Variants in FAM13C observed in about 807,000 individuals in gnomAD.
FAM13C encodes family with sequence similarity 13 member C.
Under a neutral mutation model 73.2 loss-of-function variants are expected in FAM13C, and 37 were observed. That is an observed-to-expected ratio of 0.51 (90% confidence interval 0.39 to 0.67). The LOEUF (loss-of-function observed/expected upper bound fraction) is 0.67, where lower values mean the gene tolerates loss of function less well. Ranked by LOEUF, FAM13C falls within the 30% of genes least tolerant of loss-of-function variation. FAM13C has a pLI of 0.00. For synonymous variants in FAM13C, 246 were observed against 260.9 expected (o/e 0.94, Z 0.55); for missense variants, 589 against 715.6 (o/e 0.82, Z 2.02).
At chr10:59,339,779 C>A (rs1263120358) in intron 3 of FAM13C, among the ~76,000 whole-genome samples, 1 of 152,152 alleles carries the variant, frequency 6.6e-6, no homozygotes, top group Non-Finnish European at 1.5e-5. Context: ...AAAGGAAAGG[C>A]CAGCTCAGTG....
At chr10:59,267,029 C>T (rs1474698930) in intron 8 of FAM13C, among the ~76,000 whole-genome samples, 1 of 152,164 alleles carries the variant, frequency 6.6e-6, no homozygotes, top group East Asian at 1.9e-4. Context: ...CTCCATTTTA[C>T]ACATGACCAA....
At chr10:59,334,279 C>T (rs1852425515) in intron 3 of FAM13C, among the ~76,000 whole-genome samples, 1 of 152,092 alleles carries the variant, frequency 6.6e-6, no homozygotes, top group African/African-American at 2.4e-5. Context: ...TATAATAAAG[C>T]AAATCCTGAC....
intron 3 of FAM13C, among the ~76,000 whole-genome samples, chr10:59,337,180 C>A (rs1269496036): frequency 6.6e-6 from 1 of 152,184 alleles, no homozygotes; most frequent in Non-Finnish European, 1.5e-5. Flanking sequence ...TACCCAATAT[C>A]TGAACAAAAA....
intron 5 of FAM13C, among the ~76,000 whole-genome samples, chr10:59,301,405 G>T (rs1441486237): frequency 1.3e-5 from 2 of 152,208 alleles, no homozygotes; most frequent in Non-Finnish European, 2.9e-5. Context: ...GGCAATCAGC[G>T]CAGTGAGCTG....
chr10:59,266,587 T>C (rs1843092512), intron 8 of FAM13C, among the ~76,000 whole-genome samples: 1 of 152,218 alleles, frequency 6.6e-6, no homozygotes. Flanking sequence ...AAGACTTCTA[T>C]AGACACTGAA....
rs2133329942 is a variant in FAM13C at position 59,247,613 on chromosome 10, C to T, written c.*1G>A. 1 of 1,613,038 alleles carries T rather than the reference C, an allele frequency of 6.2e-7. No individual in the cohort carries two copies. The highest frequency in any genetic ancestry group is 1.7e-5 in the Admixed American group (1 of 59,946). On this transcript the variant is annotated 3_prime_UTR_variant, in exon 14 of 14. Coordinates refer to ENST00000618804, the MANE Select transcript of FAM13C (RefSeq NM_198215.4). ...AAAGTGATCATAACATTTCCTGAACCTCAAATAGTTTTGGCCACATCTTGC... is the reference window on the plus strand; with the variant it reads ...AAAGTGATCATAACATTTCCTGAACTTCAAATAGTTTTGGCCACATCTTGC...
Position 59,281,951 on chromosome 10 carries a change from G to T in FAM13C, c.592+1412C>A, listed in dbSNP as rs144063339. Among the ~76,000 whole-genome samples, 339 of 152,264 alleles carry T rather than the reference G, an allele frequency of 2.2e-3. 1 individual carries two copies. Among genetic ancestry groups the T allele is most frequent in the African/African-American group, 7.7e-3 (322 of 41,554 alleles). ...TATTAAATATGTTGTCTGTTTGCAG[G>T]GAGTGGAATCTGGTGTTGAGGGAAG... On this transcript the variant is annotated intron_variant, in intron 6 of 13. Coordinates refer to ENST00000618804, the MANE Select transcript of FAM13C (RefSeq NM_198215.4).
rs775467941 is a variant in FAM13C, at chr10:59,251,690, A to G, written c.1533-14T>C. 2.2e-5 allele frequency: 34 copies of G among 1,572,812 alleles called. No homozygotes were observed. The highest frequency in any genetic ancestry group is 2.7e-5 in the Non-Finnish European group (31 of 1,158,490). On this transcript the variant is annotated splice_polypyrimidine_tract_variant and intron_variant, in intron 12 of 13. Coordinates refer to ENST00000618804, the MANE Select transcript of FAM13C (RefSeq NM_198215.4). Reference sequence around the variant, plus strand: ...AGAAGTACAGGCCTATATAAGGTAAAATACTTGTCATTACTGGGCACTGGC... The same window carrying G: ...AGAAGTACAGGCCTATATAAGGTAAGATACTTGTCATTACTGGGCACTGGC...
At chr10:59,248,835 C>A (rs993773894) in intron 13 of FAM13C, among the ~76,000 whole-genome samples, 1 of 152,112 alleles carries the variant, frequency 6.6e-6, no homozygotes, top group Non-Finnish European at 1.5e-5. Flanking sequence ...ACTTGTATTT[C>A]AACACTATTT....
chr10:59,297,587 G>C (rs1847067174), intron 5 of FAM13C, among the ~76,000 whole-genome samples: 1 of 152,056 alleles, frequency 6.6e-6, no homozygotes, highest in Admixed American at 6.6e-5. Context: ...CAAGGTCCAG[G>C]CTGACAATCA....
chr10:59,340,942 C>G (rs547387262), intron 3 of FAM13C, among the ~76,000 whole-genome samples: 1 of 152,016 alleles, frequency 6.6e-6, no homozygotes, highest in African/African-American at 2.4e-5. Context: ...GAGGACCACG[C>G]TCTCTGGGTT....
intron 4 of FAM13C, among the ~76,000 whole-genome samples, chr10:59,304,815 A>AAGGGAAGGGAAGGGAAGGGAAGGGAAGGG (rs1564554034): frequency 4.7e-4 from 5 of 10,548 alleles, no homozygotes; most frequent in African/African-American, 1.4e-3. Flanking sequence ...GAAGGGAAGG[A>AAGGGAAGGGAAGGGAAGGGAAGGGAAGGG]AAGGGGAAGG....
chr10:59,342,634 T>C (rs1175102257), intron 3 of FAM13C, among the ~76,000 whole-genome samples: 1 of 152,238 alleles, frequency 6.6e-6, no homozygotes, highest in Non-Finnish European at 1.5e-5. Flanking sequence ...TATCTGAAAT[T>C]CAAATTTAAC....
At chr10:59,271,783 T>G (rs1368427507) in intron 6 of FAM13C, among the ~76,000 whole-genome samples, 2 of 152,214 alleles carry the variant, frequency 1.3e-5, no homozygotes, top group African/African-American at 4.8e-5. Context: ...AGAAGAAATG[T>G]GTTTTATTCA....
chr10:59,295,658 T>A (rs1448162230), intron 5 of FAM13C, among the ~76,000 whole-genome samples: 1 of 152,178 alleles, frequency 6.6e-6, no homozygotes, highest in African/African-American at 2.4e-5. Flanking sequence ...TACATAACTG[T>A]AAGCTAATAA....
At chr10:59,280,390 C>T (rs1844795593) in intron 6 of FAM13C, among the ~76,000 whole-genome samples, 1 of 152,168 alleles carries the variant, frequency 6.6e-6, no homozygotes, top group Non-Finnish European at 1.5e-5. Context: ...GGACTTTCTC[C>T]TCCTGAAATA....
intron 6 of FAM13C, among the ~76,000 whole-genome samples, chr10:59,275,466 C>G (rs888845246): frequency 6.6e-6 from 1 of 152,166 alleles, no homozygotes; most frequent in African/African-American, 2.4e-5. Context: ...TCCAGGCACT[C>G]TTTCTATGCA....
chr10:59,331,977 G>A (rs774011658), intron 3 of FAM13C, among the ~76,000 whole-genome samples: 2 of 152,090 alleles, frequency 1.3e-5, no homozygotes, highest in African/African-American at 4.8e-5. Flanking sequence ...GATAAATAGA[G>A]GAGCTGGAAT....
At chr10:59,259,058 T>A (rs148412723) in intron 10 of FAM13C, among the ~76,000 whole-genome samples, 1,557 of 152,206 alleles carry the variant, frequency 0.01, 28 homozygotes, top group African/African-American at 0.036. Flanking sequence ...ATAAAAGACA[T>A]AAATAGGCAC....
Sources: gnomAD v4.1 joint callset for allele counts (sites outside exome capture counted in the v4.1 genomes callset) on GRCh38, gnomAD v4.1.1 for gene constraint, MANE v1.5 for transcripts, NCBI Gene and HGNC (gene_info 2026-07-23, HGNC 2026-07-21) for gene names.